Variants in DOCK2 observed in about 807,000 individuals in gnomAD.
DOCK2 encodes dedicator of cytokinesis 2.
A neutral mutation model predicts 248.9 loss-of-function variants in DOCK2; 87 were observed. The ratio of observed to expected loss-of-function variants is 0.35; its 90% CI spans 0.29 to 0.42. The LOEUF (loss-of-function observed/expected upper bound fraction) is 0.42. Ranked by LOEUF, DOCK2 falls within the 10% of genes least tolerant of loss-of-function variation. The probability of loss-of-function intolerance (pLI) is 1.00; values close to 1 mark genes in which losing one functional copy is unlikely to be tolerated. For missense variants in DOCK2, 1,747 were observed against 2,300.2 expected, an observed-to-expected ratio of 0.76 and a Z score of 4.92; for synonymous variants, 805 against 821.6, an observed-to-expected ratio of 0.98 and a Z score of 0.35.
At chr5:169,987,954 G>C (rs1778113186) in intron 29 of DOCK2, among the ~76,000 whole-genome samples, 1 of 152,120 alleles carries the variant, frequency 6.6e-6, no homozygotes, top group East Asian at 1.9e-4. Flanking sequence ...CTGTAAAATG[G>C]GGATAATGGT....
At chr5:169,849,391 T>G (rs1770498449) in intron 27 of DOCK2, among the ~76,000 whole-genome samples, 1 of 152,342 alleles carries the variant, frequency 6.6e-6, no homozygotes, top group East Asian at 1.9e-4. Context: ...TCGCTGCCCT[T>G]AAATAGTGTA....
intron 27 of DOCK2, among the ~76,000 whole-genome samples, chr5:169,954,698 G>T (rs1776793762): frequency 6.6e-6 from 1 of 152,094 alleles, no homozygotes. Flanking sequence ...TTTCAAACTT[G>T]TTGTTGTTGT....
chr5:169,882,378 A>G (rs1159483806), intron 27 of DOCK2, among the ~76,000 whole-genome samples: 1 of 152,166 alleles, frequency 6.6e-6, no homozygotes, highest in East Asian at 1.9e-4. Flanking sequence ...AAAGCCTAGA[A>G]CTAAATGAAA....
intron 25 of DOCK2, among the ~76,000 whole-genome samples, chr5:169,781,212 T>A (rs1765698934): frequency 1.3e-5 from 2 of 152,134 alleles, no homozygotes; most frequent in Admixed American, 6.5e-5. Flanking sequence ...CTGGAGAAAA[T>A]CCACATAGAA....
chr5:170,064,842 A>G (rs1757438757), intron 44 of DOCK2, among the ~76,000 whole-genome samples: 1 of 152,182 alleles, frequency 6.6e-6, no homozygotes, highest in Non-Finnish European at 1.5e-5. Flanking sequence ...GCACCATTAG[A>G]CCTGCCTTAT....
intron 25 of DOCK2, among the ~76,000 whole-genome samples, chr5:169,800,966 T>G (rs1242211631): frequency 4.6e-5 from 5 of 107,948 alleles, no homozygotes; most frequent in African/African-American, 1.8e-4. Context: ...TTTTTTTTTT[T>G]TTTTTTTGAG....
intron 10 of DOCK2, among the ~76,000 whole-genome samples, chr5:169,698,009 G>C (rs1760733518): frequency 6.6e-6 from 1 of 152,344 alleles, no homozygotes; most frequent in South Asian, 2.1e-4. Flanking sequence ...AATCACTGCT[G>C]TCTGGTTTTG....
At chr5:169,895,797 A>G (rs1773563338) in intron 27 of DOCK2, among the ~76,000 whole-genome samples, 2 of 152,218 alleles carry the variant, frequency 1.3e-5, no homozygotes, top group African/African-American at 4.8e-5. Context: ...CTGGGTTCTC[A>G]GTTTCCTCAT....
In DOCK2 at chr5:170,040,204, A is replaced by G. The variant is rs538851054; in HGVS notation, c.3666-851A>G. Reference sequence around the variant, plus strand: ...ATAGATAGGTTCTGTGAATGTTGCCATTTTACAGATGAGCAAACTAAGGCA... The same window carrying G: ...ATAGATAGGTTCTGTGAATGTTGCCGTTTTACAGATGAGCAAACTAAGGCA... On this transcript the variant is annotated intron_variant, in intron 36 of 51. Transcript: ENST00000520908. Among the ~76,000 whole-genome samples the G allele has an allele frequency of 7.9e-5, 12 of 152,302 alleles. No individual in the cohort carries two copies. In the South Asian group the frequency reaches 2.5e-3, roughly 32 times the overall value.
intron 43 of DOCK2, chr5:170,057,220 G>A (rs568156712): frequency 5.2e-6 from 2 of 385,040 alleles, no homozygotes; most frequent in Non-Finnish European, 4.9e-6. Flanking sequence ...CTTTGGCCTG[G>A]ACAGTAATTC....
chr5:169,954,528 G>A (rs1167066071), intron 27 of DOCK2, among the ~76,000 whole-genome samples: 1 of 152,226 alleles, frequency 6.6e-6, no homozygotes, highest in Non-Finnish European at 1.5e-5. Context: ...TGAAGCTGTG[G>A]TTCAGCAGAA....
At chr5:170,048,755 A>T (rs940058889) in intron 40 of DOCK2, among the ~76,000 whole-genome samples, 1 of 152,210 alleles carries the variant, frequency 6.6e-6, no homozygotes, top group Non-Finnish European at 1.5e-5. Flanking sequence ...TCCCTGGAGC[A>T]CAGTTTCTGA....
chr5:169,867,391 C>T (rs1024874958), intron 27 of DOCK2, among the ~76,000 whole-genome samples: 3 of 151,832 alleles, frequency 2.0e-5, no homozygotes, highest in African/African-American at 7.3e-5. Context: ...GAGCCAGGAA[C>T]CATGGGTGAA....
intron 27 of DOCK2, among the ~76,000 whole-genome samples, chr5:169,940,869 G>C (rs1776215502): frequency 6.6e-6 from 1 of 152,204 alleles, no homozygotes; most frequent in Admixed American, 6.5e-5. Context: ...TCCAGGTGTT[G>C]GGGACCCCAG....
rs998432090 is a variant in DOCK2 at position 169,983,080 on chromosome 5, G to A, written c.2812G>A (p.Ala938Thr). ...RDHILISHFV[A>T]CMTAILNQMG... ...TCATTTCTTGCAGAGTCACTTTGTG[G>A]CATGTATGACAGCCATCTTAAACCA... Residue 938 changes from alanine (A) to threonine (T), a missense_variant, in exon 28 of 52, where the codon GCA becomes ACA. Ala to Thr is a moderately conservative substitution (Grantham distance 58). Coordinates refer to ENST00000520908, the MANE Select transcript of DOCK2 (RefSeq NM_004946.3). 3 of 1,613,864 alleles carry A rather than the reference G, an allele frequency of 1.9e-6. No individual in the cohort carries two copies. The highest frequency in any genetic ancestry group is 2.2e-5 in the East Asian group (1 of 44,896).
chr5:169,901,596 T>C (rs1190449158), intron 27 of DOCK2, among the ~76,000 whole-genome samples: 1 of 152,126 alleles, frequency 6.6e-6, no homozygotes, highest in African/African-American at 2.4e-5. Context: ...TAACACATGA[T>C]GATGGCAAGG....
At chr5:169,978,384 T>G in intron 27 of DOCK2, among the ~76,000 whole-genome samples, 1 of 20,386 alleles carries the variant, frequency 4.9e-5, no homozygotes, top group East Asian at 1.3e-3. Flanking sequence ...TATGTGTGTG[T>G]GTGTGTGTGG....
chr5:170,025,546 C>T lies in DOCK2; in HGVS notation c.3382-2317C>T, dbSNP rs571644022. On this transcript the variant is annotated intron_variant, in intron 33 of 51. Coordinates refer to ENST00000520908, the MANE Select transcript of DOCK2 (RefSeq NM_004946.3). ...AGGGATTTAAAGCCAGACAGCCGCA[C>T]AGCAGACTCATTGTATAGCCCCTTA... Among the ~76,000 whole-genome samples, 30 of 152,226 alleles carry T rather than the reference C, an allele frequency of 2.0e-4. 1 individual carries two copies. The highest frequency in any genetic ancestry group is 4.0e-4 in the Non-Finnish European group (27 of 68,038).
At chr5:170,080,326 G>T (rs1379408607) in intron 50 of DOCK2, 43 bp downstream of exon 50, 1 of 1,609,380 alleles carries the variant, frequency 6.2e-7, no homozygotes, top group Admixed American at 1.7e-5. Context: ...TAGAGATAGT[G>T]CAGGCCACCA....
Sources: allele counts gnomAD v4.1 joint callset (sites outside exome capture counted in the v4.1 genomes callset), GRCh38; gene constraint gnomAD v4.1.1; transcripts MANE v1.5; gene names NCBI Gene and HGNC (gene_info 2026-07-23, HGNC 2026-07-21).